The following SGCZ variants were observed in gnomAD, a reference collection of about 807,000 sequenced individuals.
SGCZ encodes sarcoglycan zeta, also known as zeta-sarcoglycan.
In SGCZ, 40 loss-of-function variants were observed where a neutral mutation model predicts 41.3. The ratio of observed to expected loss-of-function variants is 0.97; its 90% CI spans 0.75 to 1.26. The LOEUF (loss-of-function observed/expected upper bound fraction) is 1.26, where lower values mean the gene tolerates loss of function less well. SGCZ is among the 50% of genes most tolerant of loss of function. SGCZ has a pLI of 0.00. For synonymous variants in SGCZ, 206 were observed against 137.5 expected, an observed-to-expected ratio of 1.50 and a Z score of -3.49; for missense variants, 552 against 369.8, an observed-to-expected ratio of 1.49 and a Z score of -4.04.
intron 3 of SGCZ, among the ~76,000 whole-genome samples, chr8:14,243,884 T>G (rs1798981009): frequency 6.6e-6 from 1 of 152,194 alleles, no homozygotes. Context: ...TACTTTGTTT[T>G]AATCATTCAT....
intron 1 of SGCZ, among the ~76,000 whole-genome samples, chr8:15,038,814 C>CAAAAAAAAAAAAAAAAA (rs58922339): frequency 1.1e-5 from 1 of 93,088 alleles, no homozygotes; most frequent in African/African-American, 4.0e-5. Flanking sequence ...TGACATTTCT[C>CAAAAAAAAAAAAAAAAA]AAAAAAAAAA....
intron 1 of SGCZ, among the ~76,000 whole-genome samples, chr8:14,588,575 T>C (rs1230188484): frequency 6.6e-6 from 1 of 151,968 alleles, no homozygotes; most frequent in Non-Finnish European, 1.5e-5. Flanking sequence ...GCAAATAGAA[T>C]GTTTAAACTA....
At chr8:14,142,004 C>T (rs1803385169) in intron 5 of SGCZ, among the ~76,000 whole-genome samples, 1 of 152,196 alleles carries the variant, frequency 6.6e-6, no homozygotes, top group African/African-American at 2.4e-5. Flanking sequence ...TGGATAAGTT[C>T]ATGTCCTTTG....
intron 1 of SGCZ, among the ~76,000 whole-genome samples, chr8:14,890,678 T>A (rs936417416): frequency 6.6e-6 from 1 of 152,194 alleles, no homozygotes; most frequent in East Asian, 1.9e-4. Flanking sequence ...AAGTGGCTAT[T>A]TTTATTGACA....
rs535295726 is a variant in SGCZ, at chr8:14,382,122, G to A, written c.235-57918C>T. Among the ~76,000 whole-genome samples, 237 of 150,944 alleles carry A rather than the reference G, an allele frequency of 1.6e-3. 2 individuals carry two copies. Among genetic ancestry groups the A allele is most frequent in the African/African-American group, 5.1e-3 (209 of 40,868 alleles). On this transcript the variant is annotated intron_variant, in intron 2 of 7. Transcript: ENST00000382080. ...ATTTTTCACTACACACTGATGAAAG[G>A]GACCACAGGGATGTACTGTTTGTGG...
intron 2 of SGCZ, among the ~76,000 whole-genome samples, chr8:14,376,876 G>A (rs1477829370): frequency 1.3e-5 from 2 of 152,076 alleles, no homozygotes; most frequent in African/African-American, 4.8e-5. Flanking sequence ...GTTAAATATT[G>A]GAAAACCCAT....
intron 1 of SGCZ, among the ~76,000 whole-genome samples, chr8:14,566,414 G>A (rs1212423432): frequency 6.9e-6 from 1 of 144,014 alleles, no homozygotes; most frequent in Non-Finnish European, 1.6e-5. Context: ...ATCCCTGCTG[G>A]GTCGATTCCC....
intron 1 of SGCZ, among the ~76,000 whole-genome samples, chr8:14,809,270 G>C (rs189519753): frequency 7.1e-4 from 108 of 151,944 alleles, no homozygotes; most frequent in Non-Finnish European, 1.2e-3. Flanking sequence ...ATAAATAAAA[G>C]AGCAAACTGT....
intron 1 of SGCZ, among the ~76,000 whole-genome samples, chr8:14,938,385 C>G (rs1052591126): frequency 1.3e-5 from 2 of 152,126 alleles, no homozygotes; most frequent in African/African-American, 4.8e-5. Context: ...TCCTCTTCCT[C>G]CTCCTGCTCA....
intron 1 of SGCZ, among the ~76,000 whole-genome samples, chr8:15,236,912 C>T (rs934623489): frequency 6.6e-6 from 1 of 152,168 alleles, no homozygotes; most frequent in South Asian, 2.1e-4. Context: ...GCCTCCCCGC[C>T]CCCTGCCCGA....
At chr8:14,964,859 G>C (rs777217422) in intron 1 of SGCZ, among the ~76,000 whole-genome samples, 30 of 152,088 alleles carry the variant, frequency 2.0e-4, no homozygotes, top group Non-Finnish European at 4.3e-4. Context: ...GAGGTAGGAA[G>C]CTATGCAGGT....
intron 3 of SGCZ, among the ~76,000 whole-genome samples, chr8:14,265,226 C>G (rs954269482): frequency 2.0e-5 from 3 of 152,110 alleles, no homozygotes; most frequent in African/African-American, 7.2e-5. Flanking sequence ...GTCATTGGCA[C>G]TCAAGGCGGC....
chr8:14,186,513 AG>A (rs1396967019), intron 4 of SGCZ, among the ~76,000 whole-genome samples: 1 of 152,172 alleles, frequency 6.6e-6, no homozygotes, highest in Non-Finnish European at 1.5e-5. Flanking sequence ...TGGAGGGTCC[AG>A]GCCACGATAG....
chr8:15,056,514 T>G (rs1014413282), intron 1 of SGCZ, among the ~76,000 whole-genome samples: 1 of 151,580 alleles, frequency 6.6e-6, no homozygotes, highest in Non-Finnish European at 1.5e-5. Context: ...ATGTTGTTTT[T>G]CTGTCTTCTT....
In SGCZ at chr8:14,427,295, C is replaced by T. The variant is rs560397222; in HGVS notation, c.235-103091G>A. Reference sequence around the variant, plus strand: ...AACAAACCCCCATGACATAAGTTTACCTGTGTGGCAAACCTACACATGTAC... The same window carrying T: ...AACAAACCCCCATGACATAAGTTTATCTGTGTGGCAAACCTACACATGTAC... On this transcript the variant is annotated intron_variant, in intron 2 of 7. Transcript: ENST00000382080. Among the ~76,000 whole-genome samples, 6 of 152,082 alleles carry T rather than the reference C, an allele frequency of 3.9e-5. No homozygotes were observed. The East Asian group carries it at 5.8e-4, about 15-fold the overall frequency.
chr8:14,861,016 G>C (rs76065497), intron 1 of SGCZ, among the ~76,000 whole-genome samples: 468 of 152,302 alleles, frequency 3.1e-3, no homozygotes, highest in Non-Finnish European at 5.9e-3. Flanking sequence ...TTTAAGTTTA[G>C]TGTTCGCAAT....
At chr8:14,666,252 G>A (rs931065281) in intron 1 of SGCZ, among the ~76,000 whole-genome samples, 1 of 152,172 alleles carries the variant, frequency 6.6e-6, no homozygotes, top group Non-Finnish European at 1.5e-5. Context: ...TGCTGGCAGT[G>A]TGTACAGTAA....
At chr8:14,119,804 A>T (rs1802642277) in intron 5 of SGCZ, among the ~76,000 whole-genome samples, 1 of 152,078 alleles carries the variant, frequency 6.6e-6, no homozygotes, top group South Asian at 2.1e-4. Context: ...GCCTTTTCTG[A>T]ATCTATTTAG....
chr8:14,664,830 G>A (rs1434628761), intron 1 of SGCZ, among the ~76,000 whole-genome samples: 1 of 152,054 alleles, frequency 6.6e-6, no homozygotes, highest in African/African-American at 2.4e-5. Flanking sequence ...AAAGAAAATA[G>A]CATCTGCTTC....
Sources: gnomAD v4.1 joint callset for allele counts (sites outside exome capture counted in the v4.1 genomes callset) on GRCh38, gnomAD v4.1.1 for gene constraint, MANE v1.5 for transcripts, NCBI Gene and HGNC (gene_info 2026-07-23, HGNC 2026-07-21) for gene names.